Variants in CEP126 observed in about 807,000 individuals in gnomAD.
CEP126 encodes the protein centrosomal protein of 126 kDa.
CEP126 carries 74 observed loss-of-function variants against 107.8 expected under a neutral mutation model. The observed-to-expected ratio is 0.69, with a 90% CI of 0.57 to 0.83. The LOEUF is 0.83. Ranked by LOEUF, CEP126 falls within the 40% of genes least tolerant of loss-of-function variation. CEP126 has a pLI of 0.00. For synonymous variants in CEP126, 449 were observed against 446.0 expected, an observed-to-expected ratio of 1.01 and a Z score of -0.08; for missense variants, 1,237 against 1,281.9, an observed-to-expected ratio of 0.96 and a Z score of 0.53.
At position 101,963,207 on chromosome 11, in the gene CEP126, T is replaced by G. The variant is rs1941006552; in HGVS notation, c.2172T>G (p.His724Gln). The change falls in exon 6 of 11, where the codon CAT (histidine) becomes CAG (glutamine). Residue 724 changes from histidine (H) to glutamine (Q), a missense_variant. Coordinates refer to ENST00000263468, the MANE Select transcript of CEP126 (RefSeq NM_020802.4). ...CTTCAGGTTATAACTTTGCTAAACATGCCTGGCCAGCCTCAAAAAAAGAAG... is the reference window on the plus strand; with the variant it reads ...CTTCAGGTTATAACTTTGCTAAACAGGCCTGGCCAGCCTCAAAAAAAGAAG... ...FIPSGYNFAK[H>Q]AWPASKKEES... 4 of 1,614,042 alleles carry G rather than the reference T, an allele frequency of 2.5e-6. No homozygotes were observed. Among genetic ancestry groups the G allele is most frequent in the Non-Finnish European group, 3.4e-6 (4 of 1,180,004 alleles).
chr11:101,980,394 G>A (rs969667467), intron 7 of CEP126, among the ~76,000 whole-genome samples: 2 of 152,100 alleles, frequency 1.3e-5, no homozygotes, highest in African/African-American at 4.8e-5. Flanking sequence ...AATTTTAAAT[G>A]CCTGTTATTA....
rs773566866 is a variant in CEP126 at position 101,962,256 on chromosome 11, A to G, written c.1221A>G (p.Pro407=). The G allele has an allele frequency of 7.4e-6, 12 of 1,613,942 alleles. No homozygotes were observed. Among genetic ancestry groups the G allele is most frequent in the Non-Finnish European group, 9.3e-6 (11 of 1,179,854 alleles). The part of the protein sequence containing the change: ...STSGAFKRER[P]LVTESPTFKF... ...CTGGAGCATTCAAAAGAGAGAGACC[A>G]TTAGTTACTGAGAGCCCAACATTTA... is the stretch of plus-strand genomic sequence containing the variant. The change falls in exon 6 of 11, where the codon CCA becomes CCG. Residue 407 remains proline, a synonymous_variant. Transcript: ENST00000263468.
At chr11:101,944,003 G>A (rs1251689937) in intron 2 of CEP126, among the ~76,000 whole-genome samples, 1 of 152,058 alleles carries the variant, frequency 6.6e-6, no homozygotes, top group East Asian at 1.9e-4. Flanking sequence ...GTGGGAATAG[G>A]TATGCAAACC....
chr11:101,968,025 T>G (rs139605408), intron 6 of CEP126, among the ~76,000 whole-genome samples: 211 of 152,308 alleles, frequency 1.4e-3, no homozygotes, highest in Non-Finnish European at 2.3e-3. Flanking sequence ...GCTAAAAATA[T>G]TTTTAAATAA....
chr11:101,978,487 A>T (rs766789117), intron 7 of CEP126, 28 bp downstream of exon 7: 2 of 1,423,716 alleles, frequency 1.4e-6, no homozygotes, highest in African/African-American at 2.8e-5. Context: ...CAAAATCTCT[A>T]TTCAATATTT....
At chr11:101,958,074 C>A in intron 4 of CEP126, 94 bp from the exon 5 acceptor site, 2 of 1,016,900 alleles carry the variant, frequency 2.0e-6, no homozygotes, top group South Asian at 3.1e-5. Flanking sequence ...TGGACAAACA[C>A]ACACGTATTA....
intron 3 of CEP126, among the ~76,000 whole-genome samples, chr11:101,945,567 A>G (rs1269850330): frequency 2.0e-5 from 3 of 152,224 alleles, no homozygotes; most frequent in Admixed American, 1.3e-4. Context: ...TAGCTTAAAC[A>G]TGATAACAGT....
Position 101,925,474 on chromosome 11 carries a change from T to C in CEP126, c.248+2714T>C, listed in dbSNP as rs550624332. On this transcript the variant is annotated intron_variant, in intron 2 of 10. Coordinates refer to ENST00000263468, the MANE Select transcript of CEP126 (RefSeq NM_020802.4). Reference sequence around the variant, plus strand: ...TCTACCAGTAAACTTTAGAAAAGTTTACCGGCAATTATCTGGCCGGGCGTG... The same window carrying C: ...TCTACCAGTAAACTTTAGAAAAGTTCACCGGCAATTATCTGGCCGGGCGTG... Among the ~76,000 whole-genome samples the C allele has an allele frequency of 4.5e-4, 68 of 151,724 alleles. 2 individuals carry two copies. The South Asian group carries it at 0.013, about 29-fold the overall frequency.
In CEP126 at chr11:101,987,039, A is replaced by G; in HGVS notation, c.3242A>G (p.His1081Arg). Reference protein sequence around the residue: ...ESLNDLSERLHYIQESICKNP... With the variant: ...ESLNDLSERLRYIQESICKNP... Reference sequence around the variant, plus strand: ...CTTAATGATCTCAGTGAAAGACTACATTGTAAGTATGGAAGAACACCTTTT... The same window carrying G: ...CTTAATGATCTCAGTGAAAGACTACGTTGTAAGTATGGAAGAACACCTTTT... The change falls in exon 9 of 11, where the codon CAT (histidine) becomes CGT (arginine). Residue 1081 changes from histidine to arginine, a missense_variant and splice_region_variant. Physicochemically the swap from His to Arg is conservative, Grantham distance 29. Coordinates refer to ENST00000263468, the MANE Select transcript of CEP126 (RefSeq NM_020802.4). 1.3e-6 allele frequency: 2 copies of G among 1,577,806 alleles called. No homozygotes were observed. Among genetic ancestry groups the G allele is most frequent in the Non-Finnish European group, 1.7e-6 (2 of 1,148,316 alleles).
At position 101,981,874 on chromosome 11, in the gene CEP126, A is replaced by G. The variant is rs768668321; in HGVS notation, c.2959-15A>G. On this transcript the variant is annotated splice_polypyrimidine_tract_variant and intron_variant, in intron 7 of 10. Transcript: ENST00000263468. ...ATATGGAAATATGTTTTAATTCAATATTCTATTTTTGTAGAATTTTGGACA... is the reference window on the plus strand; with the variant it reads ...ATATGGAAATATGTTTTAATTCAATGTTCTATTTTTGTAGAATTTTGGACA... The G allele has an allele frequency of 4.7e-6, 7 of 1,486,768 alleles. No individual in the cohort carries two copies. In the South Asian group the frequency reaches 8.4e-5, roughly 18 times the overall value. 92.1% of individuals were successfully genotyped at this position (1,486,768 alleles called of 1,614,324 possible).
intron 6 of CEP126, among the ~76,000 whole-genome samples, chr11:101,971,274 T>C (rs921969380): frequency 1.3e-5 from 2 of 152,136 alleles, no homozygotes; most frequent in East Asian, 3.9e-4. Flanking sequence ...GTGCCCAGCC[T>C]TACTTTGTTT....
intron 9 of CEP126, among the ~76,000 whole-genome samples, chr11:101,990,531 C>A (rs1443095061): frequency 1.3e-5 from 2 of 152,050 alleles, no homozygotes; most frequent in East Asian, 3.9e-4. Flanking sequence ...GTCTAAAATT[C>A]TCTTGTACAA....
chr11:101,991,186 AAAT>A (rs1941376454), intron 9 of CEP126, among the ~76,000 whole-genome samples: 1 of 152,090 alleles, frequency 6.6e-6, no homozygotes, highest in South Asian at 2.1e-4. Context: ...CAAAATAAAT[AAAT>A]AAATAAACAA....
intron 3 of CEP126, among the ~76,000 whole-genome samples, chr11:101,947,428 C>T (rs1295250666): frequency 6.6e-6 from 1 of 152,006 alleles, no homozygotes; most frequent in Non-Finnish European, 1.5e-5. Flanking sequence ...TACCAAAGTG[C>T]ACAGTGGAAG....
intron 4 of CEP126, among the ~76,000 whole-genome samples, chr11:101,957,687 C>A (rs1940917314): frequency 6.6e-6 from 1 of 152,122 alleles, no homozygotes. Context: ...TTCCTGCTGA[C>A]CCTGACAAGC....
In CEP126 at chr11:101,997,670, C is replaced by G. The variant is rs761616447; in HGVS notation, c.*27C>G. On this transcript the variant is annotated 3_prime_UTR_variant, in exon 11 of 11. Coordinates refer to ENST00000263468, the MANE Select transcript of CEP126 (RefSeq NM_020802.4). ...TCCAGCAGAATCCGTCTAAGAAGACCTTTCATGTACTTCCCTAGGACTAGA... is the reference window on the plus strand; with the variant it reads ...TCCAGCAGAATCCGTCTAAGAAGACGTTTCATGTACTTCCCTAGGACTAGA... The G allele has an allele frequency of 6.2e-7, 1 of 1,613,690 alleles. No individual in the cohort carries two copies. Among genetic ancestry groups the G allele is most frequent in the South Asian group, 1.1e-5 (1 of 91,068 alleles).
chr11:101,987,064 T>C lies in CEP126; in HGVS notation c.3244+23T>C, dbSNP rs764642842. The C allele has an allele frequency of 2.1e-6, 3 of 1,435,062 alleles. No individual in the cohort carries two copies. The East Asian group carries it at 6.8e-5, about 33-fold the overall frequency. The allele number at this position is 1,435,062 out of a possible 1,614,324, so 88.9% of individuals were successfully genotyped here. A position where few individuals can be genotyped will look rare whatever the true frequency, so the allele number is the denominator to read the frequency against. ...ATTGTAAGTATGGAAGAACACCTTT[T>C]ATAAGAAATACTGCATTTATACTTA... On this transcript the variant is annotated intron_variant, in intron 9 of 10. Transcript: ENST00000263468.
At chr11:101,939,126 C>T (rs993950651) in intron 2 of CEP126, among the ~76,000 whole-genome samples, 11 of 152,058 alleles carry the variant, frequency 7.2e-5, no homozygotes, top group Non-Finnish European at 1.5e-4. Context: ...CTTACTGATA[C>T]TTTTTTCCAG....
chr11:101,983,683 A>G (rs1001080625), intron 8 of CEP126, among the ~76,000 whole-genome samples: 41 of 152,360 alleles, frequency 2.7e-4, no homozygotes, highest in Non-Finnish European at 3.8e-4. Flanking sequence ...CAGAAGAAGT[A>G]TATGTTACTG....
Sources: gnomAD v4.1 joint callset for allele counts (sites outside exome capture counted in the v4.1 genomes callset) on GRCh38, gnomAD v4.1.1 for gene constraint, MANE v1.5 for transcripts, NCBI Gene and HGNC (gene_info 2026-07-23, HGNC 2026-07-21) for gene names.